Variants in USP10 observed in about 807,000 individuals in gnomAD.
The protein encoded by USP10 is ubiquitin specific peptidase 10, also known as ubiquitin carboxyl-terminal hydrolase 10.
In USP10, 22 loss-of-function variants were observed where a neutral mutation model predicts 84.5. The ratio of observed to expected loss-of-function variants is 0.26; its 90% confidence interval spans 0.19 to 0.37. The LOEUF is 0.37. USP10 is among the 10% of genes least tolerant of loss of function. The pLI is 1.00. For synonymous variants in USP10, 454 were observed against 387.6 expected (o/e 1.17, Z -2.01); for missense variants, 1,019 against 998.9 (o/e 1.02, Z -0.27).
intron 1 of USP10, among the ~76,000 whole-genome samples, chr16:84,723,768 A>T (rs193059298): frequency 2.6e-5 from 4 of 152,320 alleles, no homozygotes; most frequent in Admixed American, 2.6e-4. Flanking sequence ...CACCCATTTA[A>T]AGTGTATATT....
chr16:84,765,648 C>T (rs994660242), intron 10 of USP10, among the ~76,000 whole-genome samples: 3 of 152,148 alleles, frequency 2.0e-5, no homozygotes, highest in African/African-American at 7.2e-5. Context: ...TATATACACA[C>T]CACAGTTTCT....
In USP10 at chr16:84,744,755, C is replaced by G; in HGVS notation, c.274C>G (p.Leu92Val). 6.2e-7 allele frequency: 1 copy of G among 1,613,750 alleles called. No homozygotes were observed. Among genetic ancestry groups the G allele is most frequent in the Non-Finnish European group, 8.5e-7 (1 of 1,179,716 alleles). ...GAACCCTCAGGCCCCTGAATTTATT[C>G]TCGGTTGTACAGCTTCCAAAATAAC... ...TLNPQAPEFI[L>V]GCTASKITPD... is the part of the protein sequence containing the mutation. Residue 92 changes from leucine to valine, a missense_variant, in exon 4 of 14, where the codon CTC becomes GTC. Physicochemically the swap from Leu to Val is conservative, Grantham distance 32. Transcript: ENST00000219473.
chr16:84,728,783 T>C (rs1160475659), intron 1 of USP10, among the ~76,000 whole-genome samples: 1 of 152,162 alleles, frequency 6.6e-6, no homozygotes, highest in African/African-American at 2.4e-5. Context: ...ATATTCTGTT[T>C]TATAAGCAGC....
At chr16:84,725,461 C>T (rs1458768990) in intron 1 of USP10, among the ~76,000 whole-genome samples, 2 of 152,226 alleles carry the variant, frequency 1.3e-5, no homozygotes, top group East Asian at 3.9e-4. Context: ...GTGCAAATGG[C>T]ACGATTTCCG....
At chr16:84,763,821 A>G (rs1347136917) in intron 9 of USP10, among the ~76,000 whole-genome samples, 2 of 149,406 alleles carry the variant, frequency 1.3e-5, no homozygotes, top group East Asian at 2.0e-4. Context: ...GGATCCAGTG[A>G]CGTTGTGCCT....
intron 1 of USP10, 47 bp downstream of exon 1, chr16:84,700,158 G>C: frequency 8.2e-7 from 1 of 1,220,474 alleles, no homozygotes; most frequent in South Asian, 2.4e-5. Flanking sequence ...CGAGCCCCGG[G>C]CGGGCGGACG....
intron 13 of USP10, among the ~76,000 whole-genome samples, chr16:84,778,316 G>A (rs1294875139): frequency 2.0e-5 from 3 of 152,074 alleles, no homozygotes; most frequent in South Asian, 2.1e-4. Flanking sequence ...GCCACAGAAG[G>A]CCTAAGGACC....
chr16:84,734,229 C>G (rs1159891817), intron 2 of USP10, among the ~76,000 whole-genome samples: 1 of 151,858 alleles, frequency 6.6e-6, no homozygotes, highest in Non-Finnish European at 1.5e-5. Context: ...GTCTTCATTC[C>G]CATCAGCAGT....
At chr16:84,717,595 G>A (rs1316804724) in intron 1 of USP10, among the ~76,000 whole-genome samples, 1 of 152,144 alleles carries the variant, frequency 6.6e-6, no homozygotes, top group African/African-American at 2.4e-5. Context: ...AGTCTCTTAG[G>A]TGCCAAGCAT....
intron 3 of USP10, among the ~76,000 whole-genome samples, chr16:84,743,220 T>G (rs1348114628): frequency 3.3e-5 from 5 of 152,220 alleles, no homozygotes; most frequent in Non-Finnish European, 5.9e-5. Context: ...TGGTCGTGAC[T>G]TCATGCATAA....
chr16:84,770,350 C>T (rs1285619165), intron 11 of USP10, among the ~76,000 whole-genome samples: 3 of 151,962 alleles, frequency 2.0e-5, no homozygotes, highest in Admixed American at 6.6e-5. Context: ...AAAATGCCAC[C>T]TTTAACTTTA....
intron 4 of USP10, among the ~76,000 whole-genome samples, chr16:84,757,505 G>A (rs1404777770): frequency 6.6e-6 from 1 of 151,778 alleles, no homozygotes; most frequent in South Asian, 2.1e-4. Flanking sequence ...GGATCTGCCA[G>A]TACAATGTAG....
chr16:84,758,427 A>T (rs1331644271), intron 4 of USP10, among the ~76,000 whole-genome samples: 1 of 152,190 alleles, frequency 6.6e-6, no homozygotes, highest in Non-Finnish European at 1.5e-5. Context: ...CTGTGTTAAC[A>T]TTTTTTTGTT....
intron 2 of USP10, among the ~76,000 whole-genome samples, chr16:84,739,663 T>A (rs933019740): frequency 3.3e-5 from 5 of 152,206 alleles, no homozygotes; most frequent in African/African-American, 1.2e-4. Flanking sequence ...AGAAGAAAAA[T>A]TTAAGTTATT....
chr16:84,759,489 A>G lies in USP10; in HGVS notation c.1394+17A>G. ...AGACAGCTTGTAAGTAAGGTGGTGA[A>G]AGATGTGTTAAGTGGTGGGGTTTTT... On this transcript the variant is annotated intron_variant, in intron 6 of 13. Transcript: ENST00000219473. The G allele has an allele frequency of 1.2e-5, 19 of 1,604,864 alleles. No individual in the cohort carries two copies. The highest frequency in any genetic ancestry group is 1.6e-5 in the Non-Finnish European group (19 of 1,171,614).
At chr16:84,725,897 G>T (rs1463230504) in intron 1 of USP10, among the ~76,000 whole-genome samples, 1 of 152,180 alleles carries the variant, frequency 6.6e-6, no homozygotes, top group Non-Finnish European at 1.5e-5. Flanking sequence ...TTTGGATCAG[G>T]AGAAGAGGGA....
At chr16:84,746,704 C>T (rs776251336) in intron 4 of USP10, among the ~76,000 whole-genome samples, 1 of 152,186 alleles carries the variant, frequency 6.6e-6, no homozygotes, top group Non-Finnish European at 1.5e-5. Context: ...CAGGACAGTA[C>T]TGAGCAAAGC....
chr16:84,710,859 C>T (rs776599796), intron 1 of USP10, among the ~76,000 whole-genome samples: 3 of 152,144 alleles, frequency 2.0e-5, no homozygotes, highest in Non-Finnish European at 2.9e-5. Context: ...GGTTGCAGGT[C>T]GTCCGCATGG....
intron 3 of USP10, among the ~76,000 whole-genome samples, chr16:84,741,173 T>C (rs556085662): frequency 1.3e-5 from 2 of 152,242 alleles, no homozygotes; most frequent in Admixed American, 1.3e-4. Context: ...TAGGCTTCAA[T>C]AGAAGCCTTG....
Sources: gnomAD v4.1 joint callset for allele counts (sites outside exome capture counted in the v4.1 genomes callset) on GRCh38, gnomAD v4.1.1 for gene constraint, MANE v1.5 for transcripts, NCBI Gene and HGNC (gene_info 2026-07-23, HGNC 2026-07-21) for gene names.